The following GALNT7 variants were observed in gnomAD, a reference collection of about 807,000 sequenced individuals.
GALNT7 encodes the protein polypeptide N-acetylgalactosaminyltransferase 7, also known as N-acetylgalactosaminyltransferase 7.
GALNT7 carries 60 observed loss-of-function variants against 82.1 expected under a neutral mutation model. The ratio of observed to expected loss-of-function variants is 0.73; its 90% CI spans 0.59 to 0.91. The LOEUF is 0.91. Among genes scored for constraint, GALNT7 ranks in the 40% least tolerant of loss-of-function variants. The pLI is 0.00. For missense variants in GALNT7, 660 were observed against 804.2 expected, an observed-to-expected ratio of 0.82 and a Z score of 2.17; for synonymous variants, 243 against 275.1, an observed-to-expected ratio of 0.88 and a Z score of 1.15.
At chr4:173,259,803 A>G (rs1735191274) in intron 2 of GALNT7, among the ~76,000 whole-genome samples, 1 of 151,940 alleles carries the variant, frequency 6.6e-6, no homozygotes. Flanking sequence ...ACGCCCAGCT[A>G]GTTTTTGTAT....
chr4:173,254,796 A>G (rs1440257278), intron 2 of GALNT7, among the ~76,000 whole-genome samples: 2 of 152,248 alleles, frequency 1.3e-5, no homozygotes, highest in Non-Finnish European at 1.5e-5. Context: ...CAGAAAACAC[A>G]TTTGAAAGTG....
intron 6 of GALNT7, among the ~76,000 whole-genome samples, chr4:173,300,942 T>C (rs1328603099): frequency 6.6e-6 from 1 of 152,080 alleles, no homozygotes; most frequent in African/African-American, 2.4e-5. Flanking sequence ...TAGACCAGTC[T>C]GAGCAACATG....
intron 2 of GALNT7, among the ~76,000 whole-genome samples, chr4:173,276,662 T>A (rs1224303584): frequency 6.6e-6 from 1 of 152,160 alleles, no homozygotes; most frequent in African/African-American, 2.4e-5. Context: ...AAATTTAGTC[T>A]GTTCAGCACA....
At chr4:173,272,312 C>G (rs1264139915) in intron 2 of GALNT7, among the ~76,000 whole-genome samples, 1 of 152,208 alleles carries the variant, frequency 6.6e-6, no homozygotes, top group Non-Finnish European at 1.5e-5. Flanking sequence ...ATGCAACAAA[C>G]TGATACTATT....
chr4:173,268,529 C>CG (rs1735591648), intron 2 of GALNT7, among the ~76,000 whole-genome samples: 1 of 60,956 alleles, frequency 1.6e-5, no homozygotes, highest in Non-Finnish European at 3.7e-5. Context: ...TTTTCTCTCT[C>CG]GTTTTTTTTT....
chr4:173,240,784 A>G (rs959757516), intron 1 of GALNT7, among the ~76,000 whole-genome samples: 1 of 152,156 alleles, frequency 6.6e-6, no homozygotes, highest in Non-Finnish European at 1.5e-5. Context: ...GTGGGAACAA[A>G]CCTGTTTAAC....
At chr4:173,255,139 G>A (rs1326243985) in intron 2 of GALNT7, among the ~76,000 whole-genome samples, 1 of 152,242 alleles carries the variant, frequency 6.6e-6, no homozygotes, top group East Asian at 1.9e-4. Context: ...TTTCAGTGAG[G>A]CTACAAAAAC....
At chr4:173,284,437 A>G (rs1031663716) in intron 2 of GALNT7, among the ~76,000 whole-genome samples, 4 of 152,206 alleles carry the variant, frequency 2.6e-5, no homozygotes, top group Non-Finnish European at 4.4e-5. Context: ...AATTTTGGAC[A>G]TATGTTAATA....
intron 1 of GALNT7, among the ~76,000 whole-genome samples, chr4:173,237,388 T>G (rs745944257): frequency 1.3e-5 from 2 of 152,234 alleles, no homozygotes; most frequent in African/African-American, 2.4e-5. Context: ...TAACATTTCA[T>G]GTGGCAGTGC....
At chr4:173,237,843 A>G (rs1734286899) in intron 1 of GALNT7, among the ~76,000 whole-genome samples, 1 of 152,100 alleles carries the variant, frequency 6.6e-6, no homozygotes, top group Non-Finnish European at 1.5e-5. Flanking sequence ...AAGAGCATCG[A>G]GAAAAGAGAG....
At chr4:173,307,521 G>A (rs1375322687) in intron 8 of GALNT7, among the ~76,000 whole-genome samples, 1 of 152,214 alleles carries the variant, frequency 6.6e-6, no homozygotes, top group East Asian at 1.9e-4. Context: ...CTGCTGCCAT[G>A]TTGGTAGCAG....
At chr4:173,178,048 T>A (rs77597154) in intron 1 of GALNT7, among the ~76,000 whole-genome samples, 1 of 113,698 alleles carries the variant, frequency 8.8e-6, no homozygotes. Flanking sequence ...TGTGTGTGTG[T>A]GTGTGCGCGC....
chr4:173,228,987 C>T (rs1211862554), intron 1 of GALNT7, among the ~76,000 whole-genome samples: 1 of 152,152 alleles, frequency 6.6e-6, no homozygotes, highest in Non-Finnish European at 1.5e-5. Context: ...GTGGCCAACT[C>T]CTCTTTGGTG....
At chr4:173,219,807 T>A (rs1427382625) in intron 1 of GALNT7, among the ~76,000 whole-genome samples, 1 of 152,214 alleles carries the variant, frequency 6.6e-6, no homozygotes, top group African/African-American at 2.4e-5. Flanking sequence ...GAATTGTCTG[T>A]TCGTTTCCTT....
At chr4:173,244,801 A>T (rs1226406708) in intron 1 of GALNT7, among the ~76,000 whole-genome samples, 1 of 152,160 alleles carries the variant, frequency 6.6e-6, no homozygotes, top group Non-Finnish European at 1.5e-5. Context: ...ACAGGAATTT[A>T]TGATTAATTG....
intron 2 of GALNT7, among the ~76,000 whole-genome samples, chr4:173,250,105 G>T (rs1264437970): frequency 3.3e-5 from 5 of 152,158 alleles, no homozygotes. Flanking sequence ...CTCAGACAGA[G>T]TTGTGACTTC....
chr4:173,306,091 T>G (rs566182786), intron 8 of GALNT7, among the ~76,000 whole-genome samples: 54 of 152,318 alleles, frequency 3.5e-4, no homozygotes, highest in African/African-American at 1.3e-3. Context: ...TTTATAGTTT[T>G]CAGCATGTAG....
chr4:173,240,374 T>A (rs948280894), intron 1 of GALNT7, among the ~76,000 whole-genome samples: 1 of 147,290 alleles, frequency 6.8e-6, no homozygotes, highest in African/African-American at 2.5e-5. Context: ...TTTTTTTTTT[T>A]TTTTTTTTTT....
intron 2 of GALNT7, among the ~76,000 whole-genome samples, chr4:173,284,738 CA>C (rs988969749): frequency 1.3e-4 from 20 of 150,944 alleles, no homozygotes; most frequent in African/African-American, 4.4e-4. Flanking sequence ...AAAACAACAA[CA>C]AAAAAAACCT....
Sources: allele counts gnomAD v4.1 joint callset (sites outside exome capture counted in the v4.1 genomes callset), GRCh38; gene constraint gnomAD v4.1.1; transcripts MANE v1.5; gene names NCBI Gene and HGNC (gene_info 2026-07-23, HGNC 2026-07-21).